The following CWC27 variants were observed in gnomAD, a reference collection of about 807,000 sequenced individuals.
CWC27 encodes the protein spliceosome-associated protein CWC27 homolog.
A neutral mutation model predicts 63.6 loss-of-function variants in CWC27; 47 were observed. The observed-to-expected ratio is 0.74, with a 90% confidence interval of 0.58 to 0.94. The LOEUF (loss-of-function observed/expected upper bound fraction) is 0.94. Ranked by LOEUF, CWC27 falls within the 40% of genes least tolerant of loss-of-function variation. The probability of loss-of-function intolerance (pLI) is 0.00; values close to 1 mark genes in which losing one functional copy is unlikely to be tolerated. For missense variants in CWC27, 495 were observed against 554.3 expected (o/e 0.89, Z 1.07); for synonymous variants, 175 against 179.8 (o/e 0.97, Z 0.22).
At chr5:64,876,035 T>C (rs535306801) in intron 10 of CWC27, among the ~76,000 whole-genome samples, 11 of 152,270 alleles carry the variant, frequency 7.2e-5, no homozygotes, top group Admixed American at 2.6e-4. Context: ...AGTTGTCCAA[T>C]GCGGTACTGC....
At chr5:64,862,319 T>C (rs999977523) in intron 10 of CWC27, among the ~76,000 whole-genome samples, 2 of 152,094 alleles carry the variant, frequency 1.3e-5, no homozygotes, top group Non-Finnish European at 2.9e-5. Context: ...TTTATCTTAT[T>C]AAAAATAATT....
intron 13 of CWC27, among the ~76,000 whole-genome samples, chr5:65,005,160 T>C (rs1456467082): frequency 6.6e-6 from 1 of 151,560 alleles, no homozygotes; most frequent in Non-Finnish European, 1.5e-5. Context: ...GGCAGGCCTG[T>C]CCTCAAGTTC....
intron 13 of CWC27, among the ~76,000 whole-genome samples, chr5:65,000,751 G>A (rs147685031): frequency 5.9e-5 from 9 of 151,878 alleles, no homozygotes; most frequent in East Asian, 5.8e-4. Flanking sequence ...TTTGGAAGTC[G>A]GAGAGTGTGA....
At chr5:64,777,463 C>A (rs1289167321) in intron 2 of CWC27, among the ~76,000 whole-genome samples, 1 of 151,940 alleles carries the variant, frequency 6.6e-6, no homozygotes, top group Non-Finnish European at 1.5e-5. Flanking sequence ...GAAGAAGAAA[C>A]GTATAACTAC....
chr5:64,970,305 C>T (rs1219276740), intron 11 of CWC27, among the ~76,000 whole-genome samples: 4 of 151,596 alleles, frequency 2.6e-5, no homozygotes, highest in East Asian at 1.9e-4. Context: ...CTCCGCCTCC[C>T]GGGTTCACGC....
chr5:64,838,738 T>C (rs1383078289), intron 10 of CWC27, among the ~76,000 whole-genome samples: 1 of 152,138 alleles, frequency 6.6e-6, no homozygotes, highest in Non-Finnish European at 1.5e-5. Context: ...ATTTATAACT[T>C]TGAATTTTAG....
At chr5:64,851,355 A>G (rs987584713) in intron 10 of CWC27, among the ~76,000 whole-genome samples, 1 of 152,136 alleles carries the variant, frequency 6.6e-6, no homozygotes, top group Non-Finnish European at 1.5e-5. Flanking sequence ...AGTTAAACTC[A>G]TAGAAGCACA....
At chr5:64,950,092 C>G (rs537210595) in intron 11 of CWC27, among the ~76,000 whole-genome samples, 1 of 152,036 alleles carries the variant, frequency 6.6e-6, no homozygotes, top group East Asian at 1.9e-4. Context: ...GAAATAATAT[C>G]TTTATATGTT....
chr5:64,847,489 A>G (rs979833872), intron 10 of CWC27, among the ~76,000 whole-genome samples: 3 of 152,190 alleles, frequency 2.0e-5, no homozygotes, highest in African/African-American at 7.2e-5. Flanking sequence ...GCAATCCAGA[A>G]AATTAATAAG....
intron 7 of CWC27, among the ~76,000 whole-genome samples, chr5:64,799,819 C>A (rs946134260): frequency 3.3e-5 from 5 of 151,718 alleles, no homozygotes; most frequent in African/African-American, 9.7e-5. Flanking sequence ...ATGCACTTAT[C>A]TTTTGCTTGA....
intron 11 of CWC27, among the ~76,000 whole-genome samples, chr5:64,947,261 A>G (rs1168174980): frequency 6.6e-6 from 1 of 152,092 alleles, no homozygotes; most frequent in African/African-American, 2.4e-5. Flanking sequence ...AGCTGTTACT[A>G]ACATAAAAGA....
At chr5:64,938,557 C>T (rs1319726790) in intron 11 of CWC27, among the ~76,000 whole-genome samples, 1 of 152,090 alleles carries the variant, frequency 6.6e-6, no homozygotes, top group African/African-American at 2.4e-5. Flanking sequence ...TCATTTCATC[C>T]TTGGTGAATC....
chr5:64,920,115 G>A (rs557056630), intron 11 of CWC27, among the ~76,000 whole-genome samples: 4 of 151,964 alleles, frequency 2.6e-5, no homozygotes, highest in East Asian at 1.9e-4. Flanking sequence ...ACAGGCACCC[G>A]CCATCATGCC....
intron 7 of CWC27, among the ~76,000 whole-genome samples, chr5:64,799,443 G>C (rs1744401435): frequency 1.3e-5 from 2 of 149,666 alleles, no homozygotes; most frequent in African/African-American, 5.0e-5. Flanking sequence ...AATATTAGCT[G>C]GGCGTGGTGG....
chr5:64,959,620 A>G (rs1374961421), intron 11 of CWC27, among the ~76,000 whole-genome samples: 7 of 152,158 alleles, frequency 4.6e-5, no homozygotes, highest in African/African-American at 1.7e-4. Flanking sequence ...TTTATTTAAC[A>G]AGTGTCAGGA....
In CWC27 at chr5:64,990,240, GTTTTTTTTTTGTT is replaced by G. The variant is rs1167276077; in HGVS notation, c.1256+13013_1256+13025del. On this transcript the variant is annotated intron_variant, in intron 13 of 13. Coordinates refer to ENST00000381070, the MANE Select transcript of CWC27 (RefSeq NM_005869.4). ...TATCAGAGCTCTAGAGTTTTTATTT[GTTTTTTTTTTGTT>G]TTTTTTTTTTTTGTTTTTTTTTTTT... 9.7e-3 allele frequency among the ~76,000 whole-genome samples: 755 copies of G among 77,544 alleles called. 175 individuals are homozygous for G. Among genetic ancestry groups the G allele is most frequent in the African/African-American group, 0.036 (709 of 19,742 alleles). 50.9% of individuals were successfully genotyped at this position (77,544 alleles called of 152,430 possible).
rs1750050954 is a variant in CWC27, at chr5:65,016,533, A to T, written c.1257-1626A>T. Among the ~76,000 whole-genome samples the T allele has an allele frequency of 2.0e-5, 3 of 152,106 alleles. No individual in the cohort carries two copies. The South Asian group carries it at 6.2e-4, about 32-fold the overall frequency. ...TGAATGTGACTTATTCAGTAAATTA[A>T]AGTAGATTCTAGATCATCCATATAT... On this transcript the variant is annotated intron_variant, in intron 13 of 13. Coordinates refer to ENST00000381070, the MANE Select transcript of CWC27 (RefSeq NM_005869.4).
chr5:64,985,360 G>A (rs1749405817), intron 13 of CWC27, among the ~76,000 whole-genome samples: 1 of 152,052 alleles, frequency 6.6e-6, no homozygotes, highest in Non-Finnish European at 1.5e-5. Context: ...ATCAGTCTGA[G>A]GAGAATTGAC....
intron 7 of CWC27, among the ~76,000 whole-genome samples, chr5:64,798,839 A>G (rs1744372480): frequency 6.6e-6 from 1 of 152,176 alleles, no homozygotes; most frequent in African/African-American, 2.4e-5. Context: ...TTTCTTCAAA[A>G]TTTTTCAAAG....
Sources: gnomAD v4.1 joint callset for allele counts (sites outside exome capture counted in the v4.1 genomes callset) on GRCh38, gnomAD v4.1.1 for gene constraint, MANE v1.5 for transcripts, NCBI Gene and HGNC (gene_info 2026-07-23, HGNC 2026-07-21) for gene names.